KANK1: variants seen among roughly 807,000 people sequenced by gnomAD.
KANK1 encodes KN motif and ankyrin repeat domain-containing protein 1.
In KANK1, 109 loss-of-function variants were observed where a neutral mutation model predicts 106.2. The observed-to-expected ratio is 1.03, with a 90% confidence interval of 0.88 to 1.20. The LOEUF (loss-of-function observed/expected upper bound fraction) is 1.20. KANK1 is among the 50% of genes most tolerant of loss of function. KANK1 has a pLI of 0.00. For missense variants in KANK1, 2,399 were observed against 1,710.7 expected (o/e 1.40, Z -7.10); for synonymous variants, 873 against 652.2 (o/e 1.34, Z -5.16).
intron 1 of KANK1, among the ~76,000 whole-genome samples, chr9:550,926 C>A (rs2061242831): frequency 1.3e-5 from 2 of 152,102 alleles, no homozygotes; most frequent in African/African-American, 4.8e-5. Context: ...CAGGAAAAGG[C>A]TCCAGGAGTC....
intron 1 of KANK1, among the ~76,000 whole-genome samples, chr9:638,532 T>C (rs1317094408): frequency 6.6e-6 from 1 of 152,290 alleles, no homozygotes; most frequent in East Asian, 1.9e-4. Flanking sequence ...CCACTGGGGC[T>C]CGAGTTATAT....
rs1043358235 is a variant in KANK1, at chr9:712,884, G to T, written c.2118G>T (p.Gln706His). Residue 706 changes from glutamine to histidine, a missense_variant, in exon 3 of 12, where the codon CAG becomes CAT. By Grantham distance (24) the Gln-to-His change is conservative. Coordinates refer to ENST00000382297, the MANE Select transcript of KANK1 (RefSeq NM_015158.5). The part of the protein sequence containing the change: ...TNTCLSTLDK[Q>H]TSTQTVETRT... Reference sequence around the variant, plus strand: ...CTTGTCTAAGCACTTTGGACAAGCAGACCAGCACCCAGACTGTGGAGACGC... The same window carrying T: ...CTTGTCTAAGCACTTTGGACAAGCATACCAGCACCCAGACTGTGGAGACGC... 3.0e-5 allele frequency: 48 copies of T among 1,613,860 alleles called. No homozygotes were observed. The highest frequency in any genetic ancestry group is 3.7e-5 in the Non-Finnish European group (44 of 1,180,024).
intron 1 of KANK1, among the ~76,000 whole-genome samples, chr9:654,782 A>G (rs1213937218): frequency 2.0e-5 from 3 of 151,702 alleles, no homozygotes; most frequent in African/African-American, 7.3e-5. Context: ...TTTAATAAGC[A>G]TAGTCACAAT....
intron 1 of KANK1, among the ~76,000 whole-genome samples, chr9:567,099 A>C (rs776855514): frequency 1.4e-4 from 22 of 152,120 alleles, no homozygotes; most frequent in Non-Finnish European, 2.5e-4. Flanking sequence ...TTCAACAGGG[A>C]GTCCTTTCCC....
At chr9:611,727 C>CT (rs1011940686) in intron 1 of KANK1, among the ~76,000 whole-genome samples, 5 of 151,886 alleles carry the variant, frequency 3.3e-5, no homozygotes, top group African/African-American at 7.3e-5. Context: ...CCATCTAACT[C>CT]TTTTTTTTGG....
chr9:506,370 G>C (rs1166881187), intron 1 of KANK1, among the ~76,000 whole-genome samples: 1 of 152,222 alleles, frequency 6.6e-6, no homozygotes, highest in East Asian at 1.9e-4. Flanking sequence ...GGATGGAAGA[G>C]AAGCTGCCAG....
chr9:603,674 G>A (rs894087151), intron 1 of KANK1, among the ~76,000 whole-genome samples: 1 of 151,546 alleles, frequency 6.6e-6, no homozygotes, highest in African/African-American at 2.4e-5. Flanking sequence ...AAAAATGTAG[G>A]CCAGGCATGG....
chr9:631,084 T>G (rs1312468706), intron 1 of KANK1, among the ~76,000 whole-genome samples: 1 of 152,174 alleles, frequency 6.6e-6, no homozygotes, highest in Non-Finnish European at 1.5e-5. Context: ...AGGAGTGATA[T>G]GTGTCTTTTG....
Position 519,088 on chromosome 9 carries a change from C to G in KANK1, c.-84+14334C>G, listed in dbSNP as rs931161353. Among the ~76,000 whole-genome samples, 67 of 151,668 alleles carry G rather than the reference C, an allele frequency of 4.4e-4. 4 individuals are homozygous for G. The highest frequency in any genetic ancestry group is 1.6e-3 in the African/African-American group (65 of 41,026). On this transcript the variant is annotated intron_variant, in intron 1 of 11. Transcript: ENST00000382297. ...TATGTTTAATAGAAACGGGGTTTCT[C>G]CATGTTGGTCAGGCTGGTCTCAAAC...
Position 645,992 on chromosome 9 carries a change from C to T in KANK1, c.-83-30898C>T, listed in dbSNP as rs745560589. Reference sequence around the variant, plus strand: ...TGCTTACCCATTTGACTGGATGATGCGTAGGAATAACAAGAGGTCTGAGGC... The same window carrying T: ...TGCTTACCCATTTGACTGGATGATGTGTAGGAATAACAAGAGGTCTGAGGC... On this transcript the variant is annotated intron_variant, in intron 1 of 11. Coordinates refer to ENST00000382297, the MANE Select transcript of KANK1 (RefSeq NM_015158.5). Among the ~76,000 whole-genome samples the T allele has an allele frequency of 2.7e-5, 4 of 150,700 alleles. 1 individual carries two copies. The highest frequency in any genetic ancestry group is 7.5e-5 in the African/African-American group (3 of 40,118).
At chr9:687,008 C>A (rs1818735629) in intron 2 of KANK1, 2 of 814,466 alleles carry the variant, frequency 2.5e-6, no homozygotes, top group Admixed American at 6.4e-5. Flanking sequence ...TGAGACTTTG[C>A]AGATACTGCT....
rs398010190 is a variant in KANK1, at chr9:623,604, C to CAA, written c.-83-53275_-83-53274dup. ...TGGGCAACAGAGTGAGATTGTGTCT[C>CAA]AAAAAAAAAAAAGAAAAAGAAAAAA... On this transcript the variant is annotated intron_variant, in intron 1 of 11. Transcript: ENST00000382297. Among the ~76,000 whole-genome samples, 438 of 117,760 alleles carry CAA rather than the reference C, an allele frequency of 3.7e-3. 6 individuals are homozygous for CAA. Among genetic ancestry groups the CAA allele is most frequent in the South Asian group, 0.024 (94 of 3,896 alleles). 77.3% of individuals were successfully genotyped at this position (117,760 alleles called of 152,430 possible).
intron 8 of KANK1, among the ~76,000 whole-genome samples, chr9:739,683 A>G (rs1834828112): frequency 6.6e-6 from 1 of 152,250 alleles, no homozygotes; most frequent in African/African-American, 2.4e-5. Context: ...ACAGCTTAGT[A>G]TACCCTTAGA....
chr9:744,343 G>A (rs561701758), intron 10 of KANK1, 148 bp from the exon 11 acceptor site: 2 of 768,248 alleles, frequency 2.6e-6, no homozygotes, highest in Non-Finnish European at 4.0e-6. Flanking sequence ...ACCCTTAGAG[G>A]TCCCAAAAAA....
chr9:611,683 C>T (rs565596301), intron 1 of KANK1, among the ~76,000 whole-genome samples: 8 of 152,116 alleles, frequency 5.3e-5, no homozygotes, highest in Non-Finnish European at 1.0e-4. Context: ...AGTTTATCTT[C>T]CCAGTAATAT....
At chr9:471,126 A>G (rs1269813899) in intron 2 of KANK1, among the ~76,000 whole-genome samples, 1 of 152,226 alleles carries the variant, frequency 6.6e-6, no homozygotes, top group Admixed American at 6.5e-5. Flanking sequence ...CACAGTTGTT[A>G]CTGCTGGGCA....
At chr9:550,271 A>G (rs956807076) in intron 1 of KANK1, among the ~76,000 whole-genome samples, 59 of 152,246 alleles carry the variant, frequency 3.9e-4, no homozygotes, top group African/African-American at 1.0e-3. Flanking sequence ...TAAAGCTCCA[A>G]TCTTAACTGG....
chr9:574,312 C>G (rs889248222), intron 1 of KANK1, among the ~76,000 whole-genome samples: 1 of 152,012 alleles, frequency 6.6e-6, no homozygotes, highest in Non-Finnish European at 1.5e-5. Flanking sequence ...GAATGAGGCT[C>G]GAGGGAACAT....
At chr9:529,893 T>G (rs1053445977) in intron 1 of KANK1, among the ~76,000 whole-genome samples, 2 of 152,236 alleles carry the variant, frequency 1.3e-5, no homozygotes, top group East Asian at 1.9e-4. Flanking sequence ...ACTTATGCTC[T>G]CACAGGCAAG....
Sources: allele counts gnomAD v4.1 joint callset (sites outside exome capture counted in the v4.1 genomes callset), GRCh38; gene constraint gnomAD v4.1.1; transcripts MANE v1.5; gene names NCBI Gene and HGNC (gene_info 2026-07-23, HGNC 2026-07-21).